The following VPS13A variants were observed in gnomAD, a reference collection of about 807,000 sequenced individuals.
VPS13A encodes the protein intermembrane lipid transfer protein VPS13A.
Under a neutral mutation model 390.9 loss-of-function variants are expected in VPS13A, and 264 were observed. The observed-to-expected ratio is 0.68, with a 90% CI of 0.61 to 0.75. The LOEUF is 0.75. VPS13A is among the 30% of genes least tolerant of loss of function. The pLI, the probability that VPS13A is intolerant of heterozygous loss-of-function variation, is 0.00. For missense variants in VPS13A, 3,409 were observed against 3,733.9 expected (o/e 0.91, Z 2.27); for synonymous variants, 1,231 against 1,227.1 (o/e 1.00, Z -0.07).
intron 23 of VPS13A, among the ~76,000 whole-genome samples, chr9:77,261,242 C>G (rs191755193): frequency 6.6e-6 from 1 of 152,096 alleles, no homozygotes; most frequent in Non-Finnish European, 1.5e-5. Flanking sequence ...ATTATACACA[C>G]TATTCTGAAT....
chr9:77,228,319 T>G (rs1168672152), intron 17 of VPS13A, 55 bp downstream of exon 17: 2 of 1,477,848 alleles, frequency 1.4e-6, no homozygotes, highest in Non-Finnish European at 1.8e-6. Context: ...ACTGTGTTCT[T>G]AGACATTAGG....
At chr9:77,370,234 T>C (rs1832674960) in intron 63 of VPS13A, 23 bp from the exon 64 acceptor site, 1 of 1,612,606 alleles carries the variant, frequency 6.2e-7, no homozygotes, top group Non-Finnish European at 8.5e-7. Context: ...ACTCACTCAT[T>C]TATTTACTAT....
rs2131675964 is a variant in VPS13A, at chr9:77,415,986, G to C, written c.9505G>C (p.Glu3169Gln). 6.2e-7 allele frequency: 1 copy of C among 1,613,482 alleles called. No individual in the cohort carries two copies. Among genetic ancestry groups the C allele is most frequent in the Non-Finnish European group, 8.5e-7 (1 of 1,179,570 alleles). ...WILTKLQEAR[E>Q]PSPSL is the part of the protein sequence containing the mutation. ...CCTCACAAAGCTACAAGAAGCAAGA[G>C]AACCTTCTCCGAGCCTCTGACAGAG... The change falls in exon 72 of 72, where the codon GAA (glutamate) becomes CAA (glutamine). Residue 3169 changes from glutamate to glutamine, a missense_variant. Glu to Gln is a conservative substitution (Grantham distance 29, BLOSUM62 2). Coordinates refer to ENST00000360280, the MANE Select transcript of VPS13A (RefSeq NM_033305.3).
intron 68 of VPS13A, chr9:77,395,820 A>G (rs1025598557): frequency 6.6e-6 from 1 of 152,130 alleles, no homozygotes; most frequent in Non-Finnish European, 1.5e-5. Flanking sequence ...TAAGAATTTA[A>G]AAGAATAGAT....
At chr9:77,260,001 A>G (rs1825665345) in intron 22 of VPS13A, 85 bp from the exon 23 acceptor site, 3 of 937,722 alleles carry the variant, frequency 3.2e-6, no homozygotes, top group Admixed American at 2.7e-5. Context: ...TTTGATTCAG[A>G]TAATTTGAGA....
chr9:77,255,444 A>C (rs1455205056), intron 22 of VPS13A, among the ~76,000 whole-genome samples: 1 of 152,060 alleles, frequency 6.6e-6, no homozygotes, highest in East Asian at 1.9e-4. Flanking sequence ...TGGGCTATTG[A>C]TTTAGGTTTG....
In VPS13A at chr9:77,177,579, C is replaced by G; in HGVS notation, c.-126C>G. The stretch of plus-strand genomic sequence containing the variant: ...TCGCTAGGGCTGCGCGTTGGGCCAG[C>G]GGGGGCGCCGCAGCTGAAGCCGCCC... On this transcript the variant is annotated 5_prime_UTR_variant, in exon 1 of 72. Transcript: ENST00000360280. 2.4e-6 allele frequency: 2 copies of G among 835,350 alleles called. No individual in the cohort carries two copies. The highest frequency in any genetic ancestry group is 3.4e-5 in the African/African-American group (2 of 59,300). 51.7% of individuals were successfully genotyped at this position (835,350 alleles called of 1,614,324 possible).
chr9:77,301,578 A>G (rs55973302), intron 33 of VPS13A, among the ~76,000 whole-genome samples: 8,749 of 152,250 alleles, frequency 0.057, 370 homozygotes, highest in South Asian at 0.12. Context: ...ATGGTGTTAT[A>G]TCTTAGTTTA....
chr9:77,392,699 C>G (rs1316119506), intron 68 of VPS13A, among the ~76,000 whole-genome samples: 1 of 150,832 alleles, frequency 6.6e-6, no homozygotes, highest in East Asian at 1.9e-4. Flanking sequence ...TATGTACAAT[C>G]ACGTCGTTAA....
rs1478511043 is a variant in VPS13A at position 77,419,786 on chromosome 9, T to G, written c.*3780T>G. 1 of 152,208 alleles carries G rather than the reference T, an allele frequency of 6.6e-6. No homozygotes were observed. Among genetic ancestry groups the G allele is most frequent in the Non-Finnish European group, 1.5e-5 (1 of 68,032 alleles). The allele number at this position is 152,208 out of a possible 1,614,324, so 9.4% of individuals were successfully genotyped here. ...AGAACTGGGGACATACATTGTCCTTTTGAGTCCGTTGAATCTGCACCATCT... is the reference window on the plus strand; with the variant it reads ...AGAACTGGGGACATACATTGTCCTTGTGAGTCCGTTGAATCTGCACCATCT... On this transcript the variant is annotated 3_prime_UTR_variant, in exon 72 of 72. Transcript: ENST00000360280.
At chr9:77,306,976 G>A (rs898422816) in intron 34 of VPS13A, among the ~76,000 whole-genome samples, 2 of 149,258 alleles carry the variant, frequency 1.3e-5, no homozygotes, top group Non-Finnish European at 3.0e-5. Context: ...GCGCGATCTC[G>A]GCTCACTGCA....
At chr9:77,199,868 A>G (rs1825221751) in intron 1 of VPS13A, 77 bp from the exon 2 acceptor site, 2 of 1,191,974 alleles carry the variant, frequency 1.7e-6, no homozygotes, top group Non-Finnish European at 2.4e-6. Context: ...TGATTATGAC[A>G]GGAATGAAGC....
chr9:77,402,839 T>C (rs1237270970), intron 68 of VPS13A, among the ~76,000 whole-genome samples: 3 of 152,212 alleles, frequency 2.0e-5, no homozygotes, highest in African/African-American at 7.2e-5. Flanking sequence ...CAGAAGCTAA[T>C]AAGTAATTTA....
chr9:77,289,965 G>A (rs11145375), intron 31 of VPS13A, among the ~76,000 whole-genome samples: 1 of 152,012 alleles, frequency 6.6e-6, no homozygotes, highest in Non-Finnish European at 1.5e-5. Context: ...ATTTTTAGTA[G>A]AGATGGGGTT....
At chr9:77,234,952 A>G (rs1824057689) in intron 17 of VPS13A, among the ~76,000 whole-genome samples, 1 of 152,168 alleles carries the variant, frequency 6.6e-6, no homozygotes, top group Non-Finnish European at 1.5e-5. Context: ...ATGCAGCTCC[A>G]TTCTTCATCT....
At chr9:77,268,610 A>G (rs938359608) in intron 23 of VPS13A, among the ~76,000 whole-genome samples, 3 of 152,114 alleles carry the variant, frequency 2.0e-5, no homozygotes, top group Admixed American at 6.6e-5. Context: ...CTTGCCAGCC[A>G]CCAGTGTAGA....
At chr9:77,376,976 A>G (rs573761302) in intron 67 of VPS13A, among the ~76,000 whole-genome samples, 9 of 152,188 alleles carry the variant, frequency 5.9e-5, no homozygotes, top group Admixed American at 1.3e-4. Context: ...CAGTTTGTCA[A>G]TTTCTACAAA....
intron 33 of VPS13A, among the ~76,000 whole-genome samples, chr9:77,297,229 A>G (rs1828057940): frequency 6.6e-6 from 1 of 151,898 alleles, no homozygotes; most frequent in Middle Eastern, 3.4e-3. Flanking sequence ...TTCTTTTCTA[A>G]TATATGACGT....
At chr9:77,280,125 G>A (rs758869339) in intron 26 of VPS13A, 34 bp from the exon 27 acceptor site, 17 of 1,484,302 alleles carry the variant, frequency 1.1e-5, no homozygotes, top group Middle Eastern at 2.3e-4. Flanking sequence ...TTACCTTTCC[G>A]ATGAAAAGAT....
Sources: allele counts gnomAD v4.1 joint callset (sites outside exome capture counted in the v4.1 genomes callset), GRCh38; gene constraint gnomAD v4.1.1; transcripts MANE v1.5; gene names NCBI Gene and HGNC (gene_info 2026-07-23, HGNC 2026-07-21).